Variants in LTBP2 observed in about 807,000 individuals in gnomAD.
The protein encoded by LTBP2 is latent transforming growth factor beta binding protein 2, also known as latent-transforming growth factor beta-binding protein 2.
In LTBP2, 103 loss-of-function variants were observed where a neutral mutation model predicts 210.6. The observed-to-expected ratio is 0.49, with a 90% CI of 0.42 to 0.58. The LOEUF is 0.58. Ranked by LOEUF, LTBP2 falls within the 20% of genes least tolerant of loss-of-function variation. The pLI is 0.00. For missense variants in LTBP2, 2,313 were observed against 2,494.5 expected (o/e 0.93, Z 1.55); for synonymous variants, 1,007 against 1,015.0 (o/e 0.99, Z 0.15).
intron 20 of LTBP2, 77 bp from the exon 21 acceptor site, chr14:74,509,936 G>T: frequency 6.2e-7 from 1 of 1,612,008 alleles, no homozygotes; most frequent in South Asian, 1.1e-5. Context: ...GGCAGGGGTG[G>T]GGGAAGGACA....
intron 28 of LTBP2, among the ~76,000 whole-genome samples, chr14:74,505,570 C>T (rs1274325151): frequency 2.6e-5 from 4 of 152,186 alleles, no homozygotes; most frequent in African/African-American, 9.7e-5. Flanking sequence ...CAGCCCCTCC[C>T]ACCCTTCCTC....
chr14:74,539,230 G>GT lies in LTBP2; in HGVS notation c.1790-3231dup. Among the ~76,000 whole-genome samples the GT allele has an allele frequency of 4.6e-5, 7 of 152,334 alleles. 1 individual carries two copies. In the Middle Eastern group the frequency reaches 0.02, roughly 444 times the overall value. On this transcript the variant is annotated intron_variant, in intron 8 of 35. Transcript: ENST00000261978. ...TTAGGAAAGCAAGGCTCAGTGAGGGGTAAGTAACTGACCCAGGTAACAAAG... is the reference window on the plus strand; with the variant it reads ...TTAGGAAAGCAAGGCTCAGTGAGGGGTTAAGTAACTGACCCAGGTAACAAAG...
At chr14:74,528,110 C>G (rs191701514) in intron 12 of LTBP2, among the ~76,000 whole-genome samples, 285 of 152,328 alleles carry the variant, frequency 1.9e-3, no homozygotes, top group African/African-American at 5.5e-3. Context: ...AGGGGTCTGA[C>G]ATGCAGGTCC....
intron 22 of LTBP2, 42 bp from the exon 23 acceptor site, chr14:74,508,994 C>G (rs776927171): frequency 6.2e-7 from 1 of 1,610,678 alleles, no homozygotes; most frequent in South Asian, 1.1e-5. Context: ...GATGGCAGCA[C>G]CTCCCAAGGA....
Position 74,522,044 on chromosome 14 carries a change from C to A in LTBP2, c.2660-5G>T. 1.2e-6 allele frequency: 2 copies of A among 1,611,704 alleles called. No homozygotes were observed. The highest frequency in any genetic ancestry group is 1.7e-6 in the Non-Finnish European group (2 of 1,178,876). On this transcript the variant is annotated splice_region_variant and splice_polypyrimidine_tract_variant and intron_variant, in intron 16 of 35. Transcript: ENST00000261978. ...CCCTCAGACACTCGTTGTCATCTGA[C>A]CAGAAGAAGGCAGGGAGGGAGGTCA...
At chr14:74,513,437 C>T (rs1377317739) in intron 18 of LTBP2, among the ~76,000 whole-genome samples, 1 of 152,238 alleles carries the variant, frequency 6.6e-6, no homozygotes, top group African/African-American at 2.4e-5. Context: ...CTTTAGCCTA[C>T]ATCTCCAATG....
At chr14:74,549,566 G>T (rs2087622099) in intron 8 of LTBP2, among the ~76,000 whole-genome samples, 1 of 152,218 alleles carries the variant, frequency 6.6e-6, no homozygotes, top group African/African-American at 2.4e-5. Context: ...TCTGGGAGGG[G>T]TGTGCAGGGG....
chr14:74,535,937 G>A lies in LTBP2; in HGVS notation c.1853C>T (p.Thr618Ile). 1.9e-6 allele frequency: 3 copies of A among 1,614,174 alleles called. No homozygotes were observed. Among genetic ancestry groups the A allele is most frequent in the Non-Finnish European group, 1.7e-6 (2 of 1,180,006 alleles). ...CCTGGGGGTCCTACCTTGGCAGTGA[G>A]TGAGGTTCAGTCTCTTGTACCCCTG... ...CPQGYKRLNLTHCQDINECLT... is the reference protein window; with the variant it reads ...CPQGYKRLNLIHCQDINECLT... The change falls in exon 9 of 36, where the codon ACT becomes ATT. Residue 618 changes from threonine (T) to isoleucine (I), a missense_variant. Physicochemically the swap from Thr to Ile is moderately conservative, Grantham distance 89. Coordinates refer to ENST00000261978, the MANE Select transcript of LTBP2 (RefSeq NM_000428.3).
chr14:74,504,627 C>T lies in LTBP2; in HGVS notation c.4453+151G>A, dbSNP rs2086958742. 19 of 754,218 alleles carry T rather than the reference C, an allele frequency of 2.5e-5. No individual in the cohort carries two copies. In the Admixed American group the frequency reaches 2.6e-4, roughly 10 times the overall value. 46.7% of individuals were successfully genotyped at this position (754,218 alleles called of 1,614,324 possible). A position where few individuals can be genotyped will look rare whatever the true frequency, so the allele number is the denominator to read the frequency against. On this transcript the variant is annotated intron_variant, in intron 30 of 35. Transcript: ENST00000261978. ...AGCTTGAGTCAGAACTTCCAGCTAACACTCTGCAGGGAGTCAGCCCTGGGA... is the reference window on the plus strand; with the variant it reads ...AGCTTGAGTCAGAACTTCCAGCTAATACTCTGCAGGGAGTCAGCCCTGGGA...
intron 15 of LTBP2, among the ~76,000 whole-genome samples, chr14:74,523,942 C>G (rs862035): frequency 0.36 from 54,732 of 151,950 alleles, 10,042 homozygotes; most frequent in East Asian, 0.55. Context: ...ACCCTCTCCC[C>G]GGGCCTGGCT....
chr14:74,555,584 C>T lies in LTBP2; in HGVS notation c.940G>A (p.Ala314Thr), dbSNP rs757872088. 32 of 1,611,704 alleles carry T rather than the reference C, an allele frequency of 2.0e-5. No individual in the cohort carries two copies. The highest frequency in any genetic ancestry group is 1.2e-4 in the Admixed American group (7 of 59,824). Residue 314 changes from alanine to threonine, a missense_variant, in exon 4 of 36, where the codon GCC becomes ACC. Ala to Thr is a moderately conservative substitution (Grantham distance 58). Around this residue, in one of 3 missense-constraint regions of LTBP2, gnomAD observed 1,867 missense variants for 1,976.9 expected, o/e 0.94. Transcript: ENST00000261978. ...TCAAGGCCTGGTCCCGGGGGCAGGGCGTTGGAAGAGAGCTGGCTACTGGCC... is the reference window on the plus strand; with the variant it reads ...TCAAGGCCTGGTCCCGGGGGCAGGGTGTTGGAAGAGAGCTGGCTACTGGCC... The part of the protein sequence containing the change: ...ATASSQLSSN[A>T]LPPGPGLEQR...
At chr14:74,585,335 G>C (rs894038594) in intron 3 of LTBP2, among the ~76,000 whole-genome samples, 8 of 152,368 alleles carry the variant, frequency 5.3e-5, no homozygotes, top group Middle Eastern at 3.4e-3. Context: ...GGAGGAGGAG[G>C]TCAGGATGGG....
In LTBP2 at chr14:74,506,149, G is replaced by A. The variant is rs755194699; in HGVS notation, c.4076C>T (p.Ala1359Val). 2.8e-5 allele frequency: 46 copies of A among 1,614,098 alleles called. No individual in the cohort carries two copies. The East Asian group carries it at 4.5e-4, about 16-fold the overall frequency. Reference protein sequence around the residue: ...CELMLAVCGAALCENVEGSFL... With the variant: ...CELMLAVCGAVLCENVEGSFL... ...GGAGCCCTCCACGTTCTCACAGAGC[G>A]CGGCCCCACATACCGCCAGCATAAG... The change falls in exon 28 of 36, where the codon GCG (alanine) becomes GTG (valine). Residue 1359 changes from alanine (A) to valine (V), a missense_variant. Physicochemically the swap from Ala to Val is moderately conservative, Grantham distance 64. Around this residue, in one of 3 missense-constraint regions of LTBP2, gnomAD observed 1,867 missense variants for 1,976.9 expected, o/e 0.94. Coordinates refer to ENST00000261978, the MANE Select transcript of LTBP2 (RefSeq NM_000428.3).
At chr14:74,608,440 G>A (rs1301365007) in intron 1 of LTBP2, among the ~76,000 whole-genome samples, 2 of 151,768 alleles carry the variant, frequency 1.3e-5, no homozygotes, top group Non-Finnish European at 2.9e-5. Flanking sequence ...CAGGCGTGGT[G>A]GCTCACACCT....
intron 19 of LTBP2, among the ~76,000 whole-genome samples, chr14:74,510,647 G>A (rs1475141547): frequency 6.6e-6 from 1 of 152,184 alleles, no homozygotes; most frequent in Non-Finnish European, 1.5e-5. Context: ...GTGGAGAGAG[G>A]CCAGTCATGC....
rs772241343 is a variant in LTBP2 at position 74,555,701 on chromosome 14, G to A, written c.831-8C>T. 1 of 1,507,078 alleles carries A rather than the reference G, an allele frequency of 6.6e-7. No individual in the cohort carries two copies. The highest frequency in any genetic ancestry group is 1.4e-5 in the South Asian group (1 of 73,266). 93.4% of individuals were successfully genotyped at this position (1,507,078 alleles called of 1,614,324 possible). A position where few individuals can be genotyped will look rare whatever the true frequency, so the allele number is the denominator to read the frequency against. ...CTGAGGCCACTCAGGGTCCTGTGGA[G>A]ACAACCGCGGCACGGGGGTTTGCAC... is the stretch of plus-strand genomic sequence containing the variant. On this transcript the variant is annotated splice_polypyrimidine_tract_variant and splice_region_variant and intron_variant, in intron 3 of 35. Coordinates refer to ENST00000261978, the MANE Select transcript of LTBP2 (RefSeq NM_000428.3).
intron 3 of LTBP2, among the ~76,000 whole-genome samples, chr14:74,564,211 ATATATATATTTATATATATATT>A (rs2087855058): frequency 5.4e-5 from 1 of 18,534 alleles, no homozygotes; most frequent in East Asian, 1.4e-3. Flanking sequence ...ATATATATTT[ATATATATATTTATATATATATT>A]TATATATATT....
At chr14:74,507,381 G>A in intron 25 of LTBP2, 71 bp from the exon 26 acceptor site, 1 of 1,599,286 alleles carries the variant, frequency 6.3e-7, no homozygotes, top group South Asian at 1.1e-5. Context: ...ACAGGGTCAT[G>A]CCCCACAACC....
rs535695688 is a variant in LTBP2, at chr14:74,499,706, C to T, written c.*1178G>A. 8 of 225,616 alleles carry T rather than the reference C, an allele frequency of 3.5e-5. No individual in the cohort carries two copies. The East Asian group carries it at 5.1e-4, about 14-fold the overall frequency. The allele number at this position is 225,616 out of a possible 1,614,324, so 14.0% of individuals were successfully genotyped here. ...CTCATCTCTAATATTTAGACTTAGC[C>T]AACATGGTAAAGAAATTTAATCTGA... On this transcript the variant is annotated 3_prime_UTR_variant, in exon 36 of 36. Coordinates refer to ENST00000261978, the MANE Select transcript of LTBP2 (RefSeq NM_000428.3).
Sources: gnomAD v4.1 joint callset for allele counts (sites outside exome capture counted in the v4.1 genomes callset) on GRCh38, gnomAD v4.1.1 for gene constraint, gnomAD v4.1.1 regional missense constraint, MANE v1.5 for transcripts, NCBI Gene and HGNC (gene_info 2026-07-23, HGNC 2026-07-21) for gene names.